LRRC8C: variants seen among roughly 807,000 people sequenced by gnomAD.
The protein encoded by LRRC8C is volume-regulated anion channel subunit LRRC8C.
A neutral mutation model predicts 55.3 loss-of-function variants in LRRC8C; 20 were observed. The observed-to-expected ratio is 0.36, with a 90% CI of 0.25 to 0.53. The LOEUF is 0.53. Among genes scored for constraint, LRRC8C ranks in the 20% least tolerant of loss-of-function variants. LRRC8C has a pLI of 0.92. For synonymous variants in LRRC8C, 376 were observed against 360.7 expected (o/e 1.04, Z -0.48); for missense variants, 659 against 951.4 (o/e 0.69, Z 4.04).
At chr1:89,709,307 G>C (rs1374074919) in intron 2 of LRRC8C, among the ~76,000 whole-genome samples, 9 of 152,208 alleles carry the variant, frequency 5.9e-5, no homozygotes, top group Non-Finnish European at 1.2e-4. Flanking sequence ...TCTGAACCTT[G>C]GTCAGTTTCT....
intron 1 of LRRC8C, among the ~76,000 whole-genome samples, chr1:89,670,771 A>T (rs190200107): frequency 2.0e-5 from 3 of 152,174 alleles, no homozygotes; most frequent in African/African-American, 7.2e-5. Flanking sequence ...TTAAATTTAG[A>T]TTGTGAAAGT....
intron 1 of LRRC8C, among the ~76,000 whole-genome samples, chr1:89,646,276 T>C (rs942181067): frequency 6.6e-6 from 1 of 152,108 alleles, no homozygotes; most frequent in Non-Finnish European, 1.5e-5. Context: ...GGGGTATCAC[T>C]ACAGACCCTA....
Position 89,714,987 on chromosome 1 carries a change from T to C in LRRC8C, c.*5T>C, listed in dbSNP as rs1180845376. ...GAGCAAATGAAAACAGAATAACTTATTTTTCGTTAAAGTTTGACTGAAACA... is the reference window on the plus strand; with the variant it reads ...GAGCAAATGAAAACAGAATAACTTACTTTTCGTTAAAGTTTGACTGAAACA... On this transcript the variant is annotated 3_prime_UTR_variant, in exon 3 of 3. Transcript: ENST00000370454. This position sits in a 1 kb window ranked among gnomAD's most constrained non-coding sequence, Gnocchi z 4.6. 1 of 1,559,656 alleles carries C rather than the reference T, an allele frequency of 6.4e-7. No individual in the cohort carries two copies. Among genetic ancestry groups the C allele is most frequent in the Admixed American group, 2.0e-5 (1 of 49,038 alleles).
chr1:89,663,054 T>C (rs1657161673), intron 1 of LRRC8C, among the ~76,000 whole-genome samples: 1 of 152,182 alleles, frequency 6.6e-6, no homozygotes, highest in East Asian at 1.9e-4. Flanking sequence ...CTCCCACTTA[T>C]GAGTGAGAAC....
rs149090069 is a variant in LRRC8C, at chr1:89,643,749, A to T, written c.-5+10427A>T. 6.9e-3 allele frequency among the ~76,000 whole-genome samples: 1,054 copies of T among 152,292 alleles called. 14 individuals carry two copies. Among genetic ancestry groups the T allele is most frequent in the African/African-American group, 0.024 (1,010 of 41,544 alleles). ...TATTTCATACAGGATGTTTTCCTTC[A>T]TAGTGATAGAATACTAGACATTTTG... On this transcript the variant is annotated intron_variant, in intron 1 of 2. Transcript: ENST00000370454.
rs1220023827 is a variant in LRRC8C, at chr1:89,633,268, C to G, written c.-59C>G. ...CCTGGCAGCCGCTGAGCCCGACCCCCAGGCAGCTCGCCGCTCCCTAGCACC... is the reference window on the plus strand; with the variant it reads ...CCTGGCAGCCGCTGAGCCCGACCCCGAGGCAGCTCGCCGCTCCCTAGCACC... On this transcript the variant is annotated 5_prime_UTR_variant, in exon 1 of 3. Transcript: ENST00000370454. 4 of 152,448 alleles carry G rather than the reference C, an allele frequency of 2.6e-5. No homozygotes were observed. The highest frequency in any genetic ancestry group is 4.4e-5 in the Non-Finnish European group (3 of 68,274). 9.4% of individuals were successfully genotyped at this position (152,448 alleles called of 1,614,324 possible). A position where few individuals can be genotyped will look rare whatever the true frequency, so the allele number is the denominator to read the frequency against.
At chr1:89,703,136 A>G (rs1378451037) in intron 2 of LRRC8C, among the ~76,000 whole-genome samples, 2 of 152,226 alleles carry the variant, frequency 1.3e-5, no homozygotes, top group Non-Finnish European at 2.9e-5. Flanking sequence ...TAATCCACAT[A>G]CATTCAAAAT....
At chr1:89,642,888 C>T (rs954902211) in intron 1 of LRRC8C, among the ~76,000 whole-genome samples, 4 of 150,840 alleles carry the variant, frequency 2.7e-5, no homozygotes, top group African/African-American at 4.9e-5. Context: ...TGTGTTGGTG[C>T]GCACCTGTAA....
intron 1 of LRRC8C, among the ~76,000 whole-genome samples, chr1:89,666,192 GCTTAATAAACATGTACATTCC>G (rs1359460946): frequency 6.6e-6 from 1 of 152,108 alleles, no homozygotes; most frequent in African/African-American, 2.4e-5. Flanking sequence ...CACTGCTGTT[GCTTAATAAACATGTACATTCC>G]CTTCTTGCAG....
At chr1:89,618,274 G>T in the LRRC8C span, among the ~76,000 whole-genome samples, 3 of 152,160 alleles carry the variant, frequency 2.0e-5, no homozygotes, top group African/African-American at 7.2e-5. Flanking sequence ...GGAATGCAGA[G>T]GGTTTTAAAA....
intron 1 of LRRC8C, among the ~76,000 whole-genome samples, chr1:89,644,621 C>T (rs1405008873): frequency 6.6e-6 from 1 of 152,236 alleles, no homozygotes; most frequent in Non-Finnish European, 1.5e-5. Flanking sequence ...ATACCTGACA[C>T]TGCAGTTATA....
At chr1:89,635,460 G>A (rs903266788) in intron 1 of LRRC8C, among the ~76,000 whole-genome samples, 1 of 152,066 alleles carries the variant, frequency 6.6e-6, no homozygotes, top group Non-Finnish European at 1.5e-5. Flanking sequence ...TAAGGTAAAT[G>A]GTGCCATCCA....
chr1:89,632,389 C>G (rs1460440429), upstream of LRRC8C, among the ~76,000 whole-genome samples: 1 of 152,192 alleles, frequency 6.6e-6, no homozygotes, highest in Non-Finnish European at 1.5e-5. Flanking sequence ...TGCCCCTTAG[C>G]CCGTATTGCA....
chr1:89,707,890 GC>G (rs1658528650), intron 2 of LRRC8C, among the ~76,000 whole-genome samples: 1 of 151,918 alleles, frequency 6.6e-6, no homozygotes, highest in Admixed American at 6.6e-5. Flanking sequence ...TTGTACCTTG[GC>G]TTAATCTGAC....
At position 89,714,568 on chromosome 1, in the gene LRRC8C, C is replaced by G. The variant is rs200607387; in HGVS notation, c.1998C>G (p.Ser666=). 6.2e-7 allele frequency: 1 copy of G among 1,614,170 alleles called. No homozygotes were observed. The change falls in exon 3 of 3, where the codon TCC becomes TCG. Residue 666 remains serine (S), a synonymous_variant. Coordinates refer to ENST00000370454, the MANE Select transcript of LRRC8C (RefSeq NM_032270.5). This position sits in a 1 kb window ranked among gnomAD's most constrained non-coding sequence, Gnocchi z 4.6. ...AACTCACCAGCCTGGAACGCCTGTC[C>G]TTTAGTCACAATAAAATAGAGGTGC... ...IKKLTSLERL[S]FSHNKIEVLP... is the part of the protein sequence containing the mutation.
Position 89,713,931 on chromosome 1 carries a change from T to C in LRRC8C, c.1361T>C (p.Ile454Thr), listed in dbSNP as rs760580392. The part of the protein sequence containing the change: ...TELQSLKLEI[I>T]KNVMIPATIA... ...TTGCAATCTCTAAAACTTGAAATCA[T>C]TAAGAACGTAATGATACCAGCCACC... Residue 454 changes from isoleucine to threonine, a missense_variant, in exon 3 of 3, where the codon ATT becomes ACT. Transcript: ENST00000370454. The surrounding 1 kb of genome is among the most constrained non-coding windows in gnomAD (Gnocchi z 5.2). The C allele has an allele frequency of 1.2e-6, 2 of 1,614,036 alleles. No homozygotes were observed. Among genetic ancestry groups the C allele is most frequent in the East Asian group, 2.2e-5 (1 of 44,884 alleles).
At chr1:89,665,660 A>G (rs1438654167) in intron 1 of LRRC8C, among the ~76,000 whole-genome samples, 1 of 152,188 alleles carries the variant, frequency 6.6e-6, no homozygotes, top group African/African-American at 2.4e-5. Context: ...AAAAGCAAAA[A>G]AGTTGCAGTA....
At chr1:89,663,933 G>T (rs912294994) in intron 1 of LRRC8C, among the ~76,000 whole-genome samples, 1 of 152,150 alleles carries the variant, frequency 6.6e-6, no homozygotes, top group African/African-American at 2.4e-5. Flanking sequence ...CGTTTAAGAA[G>T]TGTCTGTTCA....
chr1:89,637,542 G>A (rs1180835882), intron 1 of LRRC8C, among the ~76,000 whole-genome samples: 1 of 151,920 alleles, frequency 6.6e-6, no homozygotes, highest in Non-Finnish European at 1.5e-5. Flanking sequence ...AATACCTTAT[G>A]ACTGAGGCCT....
Sources: gnomAD v4.1 joint callset for allele counts (sites outside exome capture counted in the v4.1 genomes callset) on GRCh38, gnomAD v4.1.1 for gene constraint, Gnocchi (gnomAD v3.1) non-coding constraint, MANE v1.5 for transcripts, NCBI Gene and HGNC (gene_info 2026-07-23, HGNC 2026-07-21) for gene names.